Variants in EXOC6 observed in about 807,000 individuals in gnomAD.
EXOC6 encodes the protein exocyst complex component 6.
EXOC6 carries 60 observed loss-of-function variants against 112.5 expected under a neutral mutation model. The ratio of observed to expected loss-of-function variants is 0.53; its 90% CI spans 0.43 to 0.66. The LOEUF (loss-of-function observed/expected upper bound fraction) is 0.66. Ranked by LOEUF, EXOC6 falls within the 30% of genes least tolerant of loss-of-function variation. The pLI, the probability that EXOC6 is intolerant of heterozygous loss-of-function variation, is 0.00. For synonymous variants in EXOC6, 295 were observed against 308.0 expected (o/e 0.96, Z 0.44); for missense variants, 855 against 957.1 (o/e 0.89, Z 1.41).
intron 20 of EXOC6, among the ~76,000 whole-genome samples, chr10:93,032,323 G>A (rs1257410820): frequency 6.6e-6 from 1 of 152,148 alleles, no homozygotes; most frequent in East Asian, 1.9e-4. Context: ...GCAACAGAGC[G>A]AGGGTCACAA....
At chr10:92,991,190 C>G (rs1303749243) in intron 18 of EXOC6, among the ~76,000 whole-genome samples, 9 of 150,932 alleles carry the variant, frequency 6.0e-5, no homozygotes, top group Admixed American at 5.3e-4. Context: ...GTAATCCCAG[C>G]ACTTTGGGAG....
intron 19 of EXOC6, 53 bp downstream of exon 19, chr10:92,997,668 T>A: frequency 3.4e-6 from 5 of 1,472,844 alleles, no homozygotes; most frequent in Admixed American, 4.2e-5. Context: ...TATGCTTAAA[T>A]TATATGAAAA....
At chr10:92,943,216 C>T (rs961575159) in intron 13 of EXOC6, among the ~76,000 whole-genome samples, 4 of 151,962 alleles carry the variant, frequency 2.6e-5, no homozygotes, top group East Asian at 1.9e-4. Context: ...AATGGTGTTT[C>T]GCCGTGTTAG....
chr10:92,841,296 A>G (rs1280590307), intron 1 of EXOC6, among the ~76,000 whole-genome samples: 1 of 152,182 alleles, frequency 6.6e-6, no homozygotes. Flanking sequence ...GATTCTACAT[A>G]TAAGTGAGAT....
intron 1 of EXOC6, among the ~76,000 whole-genome samples, chr10:92,836,045 G>T (rs1846647178): frequency 6.6e-6 from 1 of 152,204 alleles, no homozygotes; most frequent in Non-Finnish European, 1.5e-5. Flanking sequence ...AGGTGGTCAA[G>T]TGCCAGGTGC....
intron 6 of EXOC6, among the ~76,000 whole-genome samples, chr10:92,910,966 G>C (rs962675282): frequency 1.3e-5 from 2 of 152,174 alleles, no homozygotes; most frequent in African/African-American, 4.8e-5. Flanking sequence ...TGGAGTGAGT[G>C]GATAAAGGTA....
At chr10:92,937,271 G>A (rs148948990) in intron 12 of EXOC6, among the ~76,000 whole-genome samples, 1 of 152,232 alleles carries the variant, frequency 6.6e-6, no homozygotes, top group East Asian at 1.9e-4. Context: ...TGGTCCAAAA[G>A]TAAAACATAT....
chr10:92,948,204 A>G, intron 13 of EXOC6, 70 bp from the exon 14 acceptor site: 3 of 958,246 alleles, frequency 3.1e-6, no homozygotes, highest in Admixed American at 2.7e-5. Flanking sequence ...GGGTTTTTTA[A>G]GGTATTGTCT....
intron 13 of EXOC6, among the ~76,000 whole-genome samples, chr10:92,943,651 G>A (rs761383186): frequency 6.7e-5 from 10 of 150,364 alleles, no homozygotes; most frequent in South Asian, 2.1e-4. Flanking sequence ...TTGGTATATT[G>A]TATACATTAT....
intron 19 of EXOC6, among the ~76,000 whole-genome samples, chr10:93,010,556 G>C (rs191884474): frequency 6.6e-6 from 1 of 151,862 alleles, no homozygotes; most frequent in East Asian, 1.9e-4. Flanking sequence ...AAAATTAGCC[G>C]GGCATGGTGG....
Position 92,903,626 on chromosome 10 carries a change from C to CT in EXOC6, c.458+3991dup, listed in dbSNP as rs535880567. On this transcript the variant is annotated intron_variant, in intron 5 of 21. Transcript: ENST00000260762. ...GTGAAGTGTCTGTTCACATCTTTTG[C>CT]TTTTTTTTTATTTAATAGATTTTAT... Among the ~76,000 whole-genome samples the CT allele has an allele frequency of 2.1e-3, 314 of 150,528 alleles. 1 individual carries two copies. The highest frequency in any genetic ancestry group is 4.8e-3 in the South Asian group (23 of 4,758).
chr10:93,008,874 G>A (rs1194487066), intron 19 of EXOC6, among the ~76,000 whole-genome samples: 1 of 152,144 alleles, frequency 6.6e-6, no homozygotes, highest in Non-Finnish European at 1.5e-5. Flanking sequence ...TACACTAAGT[G>A]TATACAGTTA....
intron 20 of EXOC6, among the ~76,000 whole-genome samples, chr10:93,034,466 C>T (rs1845419608): frequency 6.6e-6 from 1 of 152,160 alleles, no homozygotes; most frequent in Non-Finnish European, 1.5e-5. Flanking sequence ...AAGAAGTTCC[C>T]ATGTACATCA....
intron 1 of EXOC6, among the ~76,000 whole-genome samples, chr10:92,889,165 T>C (rs1001301830): frequency 6.6e-6 from 1 of 152,172 alleles, no homozygotes; most frequent in Non-Finnish European, 1.5e-5. Flanking sequence ...TTCACTTGTT[T>C]AACGAGGATT....
intron 14 of EXOC6, among the ~76,000 whole-genome samples, chr10:92,951,314 G>A (rs1430150407): frequency 6.6e-6 from 1 of 152,062 alleles, no homozygotes; most frequent in Non-Finnish European, 1.5e-5. Flanking sequence ...AGAAAGAGAG[G>A]GTTTAGGACA....
chr10:92,930,741 G>A (rs893117507), intron 9 of EXOC6, among the ~76,000 whole-genome samples: 1 of 151,832 alleles, frequency 6.6e-6, no homozygotes, highest in African/African-American at 2.4e-5. Flanking sequence ...TCCTATGTGA[G>A]TTACATAAAG....
chr10:93,033,542 C>T (rs1032630659), intron 20 of EXOC6, among the ~76,000 whole-genome samples: 1 of 152,184 alleles, frequency 6.6e-6, no homozygotes, highest in Admixed American at 6.5e-5. Context: ...TTCCTACTCT[C>T]ATTTTCTCGT....
chr10:92,863,974 C>G (rs1487902085), intron 1 of EXOC6, among the ~76,000 whole-genome samples: 1 of 150,238 alleles, frequency 6.7e-6, no homozygotes, highest in Non-Finnish European at 1.5e-5. Flanking sequence ...AAAAAATTAG[C>G]TCGGCATGGT....
chr10:92,922,101 A>G (rs1291498201), intron 8 of EXOC6, among the ~76,000 whole-genome samples: 1 of 151,796 alleles, frequency 6.6e-6, no homozygotes, highest in Non-Finnish European at 1.5e-5. Context: ...GCCTGCCACC[A>G]CGCCTGACTA....
Sources: allele counts gnomAD v4.1 joint callset (sites outside exome capture counted in the v4.1 genomes callset), GRCh38; gene constraint gnomAD v4.1.1; transcripts MANE v1.5; gene names NCBI Gene and HGNC (gene_info 2026-07-23, HGNC 2026-07-21).